The following OSMR variants were observed in gnomAD, a reference collection of about 807,000 sequenced individuals.
OSMR encodes oncostatin M receptor, also known as oncostatin-M-specific receptor subunit beta.
In OSMR, 81 loss-of-function variants were observed where a neutral mutation model predicts 99.9. The observed-to-expected ratio is 0.81, with a 90% CI of 0.68 to 0.97. The LOEUF (loss-of-function observed/expected upper bound fraction) is 0.97, where lower values mean the gene tolerates loss of function less well. Among genes scored for constraint, OSMR ranks in the 50% least tolerant of loss-of-function variants. The probability of loss-of-function intolerance (pLI) is 0.00; values close to 1 mark genes in which losing one functional copy is unlikely to be tolerated. For synonymous variants in OSMR, 406 were observed against 410.4 expected (o/e 0.99, Z 0.13); for missense variants, 1,099 against 1,153.4 (o/e 0.95, Z 0.68).
At chr5:38,893,527 TC>T (rs761722971) in intron 7 of OSMR, among the ~76,000 whole-genome samples, 31 of 152,114 alleles carry the variant, frequency 2.0e-4, no homozygotes, top group Non-Finnish European at 3.5e-4. Flanking sequence ...TTAAGGAATT[TC>T]AAAATACAAT....
intron 9 of OSMR, among the ~76,000 whole-genome samples, chr5:38,913,557 A>T (rs938889571): frequency 1.3e-5 from 2 of 152,070 alleles, no homozygotes; most frequent in Admixed American, 6.6e-5. Context: ...CTCAAAAAAA[A>T]AAAAAAAAAT....
intron 7 of OSMR, among the ~76,000 whole-genome samples, chr5:38,892,092 G>GC (rs1214973026): frequency 2.6e-5 from 4 of 152,292 alleles, no homozygotes; most frequent in African/African-American, 9.6e-5. Flanking sequence ...ACCCGTGCGT[G>GC]CCCCCAAAAG....
chr5:38,861,395 C>G (rs928686852), intron 1 of OSMR, among the ~76,000 whole-genome samples: 1 of 152,038 alleles, frequency 6.6e-6, no homozygotes, highest in Non-Finnish European at 1.5e-5. Flanking sequence ...CCATTTAAAC[C>G]TGAGTGGACA....
chr5:38,855,387 A>T (rs973828779), intron 1 of OSMR, among the ~76,000 whole-genome samples: 2 of 152,168 alleles, frequency 1.3e-5, no homozygotes, highest in African/African-American at 4.8e-5. Context: ...TAGCTGCCTG[A>T]CATCTTTTCT....
intron 15 of OSMR, 108 bp downstream of exon 15, chr5:38,925,479 C>T (rs1417330263): frequency 8.7e-6 from 8 of 921,956 alleles, no homozygotes; most frequent in Non-Finnish European, 1.4e-5. Context: ...TCAAACCTTT[C>T]TTCTCCCCTT....
At chr5:38,880,533 G>C (rs892549469) in intron 3 of OSMR, among the ~76,000 whole-genome samples, 4 of 152,204 alleles carry the variant, frequency 2.6e-5, no homozygotes, top group Admixed American at 2.6e-4. Context: ...GAGGGGCTCA[G>C]AAGGGGTGGA....
intron 9 of OSMR, among the ~76,000 whole-genome samples, chr5:38,914,468 CA>C: frequency 6.6e-6 from 1 of 152,288 alleles, no homozygotes; most frequent in South Asian, 2.1e-4. Context: ...GGAGATTTCT[CA>C]AAACAGAGCT....
chr5:38,942,955 G>A, intron 1 of OSMR: 1 of 1,604,654 alleles, frequency 6.2e-7, no homozygotes, highest in Non-Finnish European at 8.5e-7. Flanking sequence ...AATGTTTGAG[G>A]ATACTTCTCC....
chr5:38,919,582 A>G (rs1746128350), intron 11 of OSMR: 1 of 311,088 alleles, frequency 3.2e-6, no homozygotes, highest in Non-Finnish European at 6.2e-6. Flanking sequence ...AAGAGCAAAC[A>G]AGGTGGAATG....
At chr5:38,931,551 G>A (rs542615062) in intron 15 of OSMR, among the ~76,000 whole-genome samples, 1 of 152,284 alleles carries the variant, frequency 6.6e-6, no homozygotes, top group African/African-American at 2.4e-5. Context: ...CAAGTCAAGG[G>A]GCAGGATAGT....
chr5:38,923,222 T>C lies in OSMR; in HGVS notation c.1838T>C (p.Leu613Ser), dbSNP rs541658290. The C allele has an allele frequency of 1.6e-5, 26 of 1,610,728 alleles. No homozygotes were observed. In the South Asian group the frequency reaches 2.6e-4, roughly 16 times the overall value. ...GLSTKRIACL[L>S]EKKTGYSQEL... ...TCTACAAAAAGGATTGCTTGTTTAT[T>C]AGAGAAAAAAACAGGATACTCTCAG... The change falls in exon 13 of 18, where the codon TTA becomes TCA. Residue 613 changes from leucine to serine, a missense_variant. Leu to Ser is a moderately radical substitution (Grantham distance 145). Coordinates refer to ENST00000274276, the MANE Select transcript of OSMR (RefSeq NM_003999.3).
intron 7 of OSMR, among the ~76,000 whole-genome samples, chr5:38,891,688 C>G (rs1196065704): frequency 1.3e-5 from 2 of 152,206 alleles, no homozygotes; most frequent in Non-Finnish European, 2.9e-5. Context: ...TGCCTGGAGT[C>G]TTTAGAGAGG....
chr5:38,885,809 T>C (rs1743690966), intron 6 of OSMR: 2 of 906,110 alleles, frequency 2.2e-6, no homozygotes, highest in Non-Finnish European at 2.6e-6. Flanking sequence ...GGGATGTTCT[T>C]GCCACCCACG....
chr5:38,940,675 A>C (rs1399028421), intron 1 of OSMR: 2 of 232,840 alleles, frequency 8.6e-6, no homozygotes, highest in African/African-American at 4.4e-5. Flanking sequence ...CACAGTGCAC[A>C]TAAGAACAAT....
At chr5:38,883,749 G>A (rs968725635) in intron 4 of OSMR, 78 bp from the exon 5 acceptor site, 1 of 1,608,588 alleles carries the variant, frequency 6.2e-7, no homozygotes, top group Non-Finnish European at 8.5e-7. Flanking sequence ...GTTATCTGCT[G>A]AAGGCAAATG....
intron 7 of OSMR, among the ~76,000 whole-genome samples, chr5:38,890,494 A>G (rs1047565947): frequency 1.3e-5 from 2 of 152,194 alleles, no homozygotes; most frequent in African/African-American, 4.8e-5. Flanking sequence ...CACCCTAAGC[A>G]ACTGCTAGCA....
intron 1 of OSMR, among the ~76,000 whole-genome samples, chr5:38,863,310 G>T (rs375349936): frequency 6.6e-6 from 1 of 151,796 alleles, no homozygotes; most frequent in Non-Finnish European, 1.5e-5. Context: ...GGAGGCTGAG[G>T]CGGGCAGTTC....
intron 1 of OSMR, among the ~76,000 whole-genome samples, chr5:38,863,129 G>C (rs1206667912): frequency 1.4e-5 from 2 of 144,636 alleles, no homozygotes; most frequent in South Asian, 2.3e-4. Context: ...GTCCAGCTTC[G>C]GCTCGGCATC....
intron 5 of OSMR, 164 bp from the exon 6 acceptor site, chr5:38,885,185 C>T: frequency 1.0e-6 from 1 of 985,388 alleles, no homozygotes; most frequent in Non-Finnish European, 1.2e-6. Context: ...GAGGTGACCC[C>T]TGAAAAGTGA....
Sources: allele counts gnomAD v4.1 joint callset (sites outside exome capture counted in the v4.1 genomes callset), GRCh38; gene constraint gnomAD v4.1.1; transcripts MANE v1.5; gene names NCBI Gene and HGNC (gene_info 2026-07-23, HGNC 2026-07-21).